Variants in TICAM1 observed in about 807,000 individuals in gnomAD.
The protein encoded by TICAM1 is TIR domain containing adaptor molecule 1.
For missense variants in TICAM1, 895 were observed against 938.2 expected (o/e 0.95, Z 0.60); for synonymous variants, 439 against 415.4 (o/e 1.06, Z -0.69).
Position 4,818,611 on chromosome 19 carries a change from AC to A in TICAM1, c.-139-96del. 1.3e-6 allele frequency: 1 copy of A among 777,462 alleles called. No homozygotes were observed. The highest frequency in any genetic ancestry group is 1.9e-6 in the Non-Finnish European group (1 of 534,150). 48.2% of individuals were successfully genotyped at this position (777,462 alleles called of 1,614,324 possible). ...CCCCCGCCTGCTTTCCCCGCCTGCC[AC>A]CCAGACCTAGCCAGGTGACCTTCGG... On this transcript the variant is annotated intron_variant, in intron 1 of 1. Transcript: ENST00000248244. The surrounding 1 kb of genome is among the most constrained non-coding windows in gnomAD (Gnocchi z 4.0).
chr19:4,816,848 C>G lies in TICAM1; in HGVS notation c.1530G>C (p.Leu510=). The G allele has an allele frequency of 3.7e-6, 6 of 1,612,676 alleles. No homozygotes were observed. The highest frequency in any genetic ancestry group is 5.1e-6 in the Non-Finnish European group (6 of 1,180,040). Residue 510 remains leucine, a synonymous_variant, in exon 2 of 2, where the codon CTG becomes CTC. Coordinates refer to ENST00000248244, the MANE Select transcript of TICAM1 (RefSeq NM_182919.4). The surrounding 1 kb of genome is among the most constrained non-coding windows in gnomAD (Gnocchi z 4.3). ...SSDTASLLSG[L]VRLDEHSQIF... is the part of the protein sequence containing the mutation. Reference sequence around the variant, plus strand: ...TCTGGGAGTGTTCGTCCAGCCGCACCAGCCCGGAGAGCAGGCTGGCCGTGT... The same window carrying G: ...TCTGGGAGTGTTCGTCCAGCCGCACGAGCCCGGAGAGCAGGCTGGCCGTGT...
At chr19:4,821,926 G>A (rs908069187) in intron 1 of TICAM1, among the ~76,000 whole-genome samples, 1 of 147,498 alleles carries the variant, frequency 6.8e-6, no homozygotes, top group Non-Finnish European at 1.5e-5. Context: ...TTACAGGCAT[G>A]AGCCACCCCG....
chr19:4,826,196 C>G lies in TICAM1; in HGVS notation c.-140+5418G>C, dbSNP rs182133344. On this transcript the variant is annotated intron_variant, in intron 1 of 1. Transcript: ENST00000248244. ...AAAATAAAAAAGGTATGGAAGATGC[C>G]TCATTCGTAATGGAACATTATATTG... is the stretch of plus-strand genomic sequence containing the variant. 7.3e-5 allele frequency among the ~76,000 whole-genome samples: 11 copies of G among 151,566 alleles called. No homozygotes were observed. The East Asian group carries it at 2.1e-3, about 29-fold the overall frequency.
Position 4,816,072 on chromosome 19 carries a change from G to A in TICAM1, c.*167C>T. On this transcript the variant is annotated 3_prime_UTR_variant, in exon 2 of 2. Transcript: ENST00000248244. The surrounding 1 kb of genome is among the most constrained non-coding windows in gnomAD (Gnocchi z 4.3). ...ACCCTGAAAGCCAGGGCATCATCGC[G>A]CCCGTTTTGTCCTAAATGAAGGGCT... The A allele has an allele frequency of 9.5e-7, 1 of 1,058,054 alleles. No homozygotes were observed. The allele number at this position is 1,058,054 out of a possible 1,614,324, so 65.5% of individuals were successfully genotyped here.
intron 1 of TICAM1, among the ~76,000 whole-genome samples, chr19:4,823,611 C>T (rs1375885937): frequency 6.6e-6 from 1 of 152,054 alleles, no homozygotes; most frequent in Non-Finnish European, 1.5e-5. Context: ...TGCACTCCAG[C>T]CTGGGTAACA....
At chr19:4,822,967 C>A (rs2093600066) in intron 1 of TICAM1, among the ~76,000 whole-genome samples, 1 of 152,112 alleles carries the variant, frequency 6.6e-6, no homozygotes, top group Admixed American at 6.6e-5. Context: ...AGAGAAAAGG[C>A]CTTTTTTTGG....
At chr19:4,827,077 GCAGTGGCTCACGCCTGTAATCC>G (rs1288023038) in intron 1 of TICAM1, among the ~76,000 whole-genome samples, 1 of 151,818 alleles carries the variant, frequency 6.6e-6, no homozygotes, top group Admixed American at 6.6e-5. Flanking sequence ...ACGGCCGGGC[GCAGTGGCTCACGCCTGTAATCC>G]CAGCACTTTG....
chr19:4,819,273 C>CA (rs35532977), intron 1 of TICAM1, among the ~76,000 whole-genome samples: 103 of 134,984 alleles, frequency 7.6e-4, no homozygotes, highest in Middle Eastern at 7.8e-3. Context: ...GACCCAGTCT[C>CA]AAAAAAAAAA....
chr19:4,827,400 A>G lies in TICAM1; in HGVS notation c.-140+4214T>C, dbSNP rs866943240. 3.5e-3 allele frequency among the ~76,000 whole-genome samples: 473 copies of G among 136,914 alleles called. 3 individuals carry two copies. Among genetic ancestry groups the G allele is most frequent in the African/African-American group, 0.013 (454 of 35,974 alleles). The allele number at this position is 136,914 out of a possible 152,430, so 89.8% of individuals were successfully genotyped here. On this transcript the variant is annotated intron_variant, in intron 1 of 1. Coordinates refer to ENST00000248244, the MANE Select transcript of TICAM1 (RefSeq NM_182919.4). ...AAAAAAAAAAAAAAAAAAAAAAAAA[A>G]AAAGAAAAAGGCCAGATGCCCAGCT...
At chr19:4,826,572 G>A (rs2093605765) in intron 1 of TICAM1, among the ~76,000 whole-genome samples, 1 of 152,136 alleles carries the variant, frequency 6.6e-6, no homozygotes, top group Admixed American at 6.6e-5. Context: ...TGATCTGCCA[G>A]CCTCGGCCTC....
In TICAM1 at chr19:4,817,973, T is replaced by C; in HGVS notation, c.405A>G (p.Glu135=). Reference sequence around the variant, plus strand: ...ACCGGTTTCGGGCCTCATCCTGAAGTTCCCCCAGCCGGTGGTCGTCCCTGG... The same window carrying C: ...ACCGGTTTCGGGCCTCATCCTGAAGCTCCCCCAGCCGGTGGTCGTCCCTGG... The part of the protein sequence containing the change: ...LSSRDDHRLG[E]LQDEARNRCG... Residue 135 remains glutamate (E), a synonymous_variant, in exon 2 of 2, where the codon GAA becomes GAG. Transcript: ENST00000248244. The surrounding 1 kb of genome is among the most constrained non-coding windows in gnomAD (Gnocchi z 4.7). 6.2e-7 allele frequency: 1 copy of C among 1,613,364 alleles called. No homozygotes were observed. Among genetic ancestry groups the C allele is most frequent in the Non-Finnish European group, 8.5e-7 (1 of 1,179,840 alleles).
At position 4,829,805 on chromosome 19, in the gene TICAM1, C is replaced by CTTTTTTT. The variant is rs539314470; in HGVS notation, c.-140+1802_-140+1808dup. 2.4e-4 allele frequency among the ~76,000 whole-genome samples: 21 copies of CTTTTTTT among 87,626 alleles called. 1 individual carries two copies. The highest frequency in any genetic ancestry group is 3.6e-4 in the African/African-American group (8 of 22,354). 57.5% of individuals were successfully genotyped at this position (87,626 alleles called of 152,430 possible). On this transcript the variant is annotated intron_variant, in intron 1 of 1. Coordinates refer to ENST00000248244, the MANE Select transcript of TICAM1 (RefSeq NM_182919.4). ...AAATTTTTGATTTTTAATTTCATTT[C>CTTTTTTT]TTTTTTTTTTTTTTTTTTTTTTTGA... is the stretch of plus-strand genomic sequence containing the variant.
At position 4,817,602 on chromosome 19, in the gene TICAM1, C is replaced by A; in HGVS notation, c.776G>T (p.Gly259Val). ...CAGCTCTGGTGGGCTGGCAATCTCC[C>A]CCGATGGCGGCCAGCTCATCTCCTC... ...EPEEMSWPPS[G>V]EIASPPELPS... The change falls in exon 2 of 2, where the codon GGG (glycine) becomes GTG (valine). Residue 259 changes from glycine (G) to valine (V), a missense_variant. Transcript: ENST00000248244. This position sits in a 1 kb window ranked among gnomAD's most constrained non-coding sequence, Gnocchi z 4.7. The A allele has an allele frequency of 1.2e-6, 2 of 1,602,270 alleles. No homozygotes were observed. The highest frequency in any genetic ancestry group is 1.7e-6 in the Non-Finnish European group (2 of 1,174,826).
chr19:4,816,747 T>C lies in TICAM1; in HGVS notation c.1631A>G (p.Gln544Arg). ...QARKAMWRKE[Q>R]DTRALREQSQ... is the part of the protein sequence containing the mutation. ...CTGTTCCCGCAGGGCTCGGGTGTCCTGTTCCTTCCTCCACATGGCCTTTCG... is the reference window on the plus strand; with the variant it reads ...CTGTTCCCGCAGGGCTCGGGTGTCCCGTTCCTTCCTCCACATGGCCTTTCG... Residue 544 changes from glutamine (Q) to arginine (R), a missense_variant, in exon 2 of 2, where the codon CAG becomes CGG. Coordinates refer to ENST00000248244, the MANE Select transcript of TICAM1 (RefSeq NM_182919.4). This position sits in a 1 kb window ranked among gnomAD's most constrained non-coding sequence, Gnocchi z 4.3. 6.2e-7 allele frequency: 1 copy of C among 1,613,858 alleles called. No individual in the cohort carries two copies. Among genetic ancestry groups the C allele is most frequent in the Non-Finnish European group, 8.5e-7 (1 of 1,180,032 alleles).
Position 4,830,008 on chromosome 19 carries a change from G to A in TICAM1, c.-140+1606C>T, listed in dbSNP as rs188857674. On this transcript the variant is annotated intron_variant, in intron 1 of 1. Transcript: ENST00000248244. ...GTATTTTTAGTAGAGACAGGGTTTC[G>A]CCATGTTGGTCAGGCTGGTCTCAAA... is the stretch of plus-strand genomic sequence containing the variant. 1.0e-4 allele frequency among the ~76,000 whole-genome samples: 15 copies of A among 150,326 alleles called. No homozygotes were observed. In the East Asian group the frequency reaches 2.5e-3, roughly 25 times the overall value.
chr19:4,824,470 G>T (rs1461851888), intron 1 of TICAM1, among the ~76,000 whole-genome samples: 2 of 151,642 alleles, frequency 1.3e-5, no homozygotes, highest in Non-Finnish European at 2.9e-5. Flanking sequence ...GAGTAGCTGG[G>T]ATTACAGGTT....
In TICAM1 at chr19:4,817,772, G is replaced by C. The variant is rs752174873; in HGVS notation, c.606C>G (p.Ser202=). The stretch of plus-strand genomic sequence containing the variant: ...GGCTGATTTCCAAGTTGCTGGCCAG[G>C]GAGGCAGGGCTGCCAGTGGATCGCA... The part of the protein sequence containing the change: ...CSLRSTGSPA[S]LASNLEISQS... Residue 202 remains serine (S), a synonymous_variant, in exon 2 of 2, where the codon TCC becomes TCG. Coordinates refer to ENST00000248244, the MANE Select transcript of TICAM1 (RefSeq NM_182919.4). This position sits in a 1 kb window ranked among gnomAD's most constrained non-coding sequence, Gnocchi z 4.7. The C allele has an allele frequency of 5.0e-6, 8 of 1,602,650 alleles. No individual in the cohort carries two copies. In the African/African-American group the frequency reaches 5.3e-5, roughly 11 times the overall value.
intron 1 of TICAM1, among the ~76,000 whole-genome samples, chr19:4,826,800 C>T (rs2093606060): frequency 6.6e-6 from 1 of 152,112 alleles, no homozygotes; most frequent in Admixed American, 6.6e-5. Flanking sequence ...CCCAGGCTGT[C>T]TGGTTCTAGA....
At chr19:4,822,013 G>A (rs1279951764) in intron 1 of TICAM1, among the ~76,000 whole-genome samples, 2 of 151,608 alleles carry the variant, frequency 1.3e-5, no homozygotes, top group African/African-American at 4.9e-5. Flanking sequence ...TCAGCTCACC[G>A]TAACCTCCAC....
Sources: allele counts gnomAD v4.1 joint callset (sites outside exome capture counted in the v4.1 genomes callset), GRCh38; gene constraint gnomAD v4.1.1; non-coding constraint Gnocchi (gnomAD v3.1); transcripts MANE v1.5; gene names NCBI Gene and HGNC (gene_info 2026-07-23, HGNC 2026-07-21).